Variants in PPP3R1 observed in about 807,000 individuals in gnomAD.
PPP3R1 encodes the protein protein phosphatase 3 regulatory subunit B, alpha, also known as calcineurin subunit B type 1.
A neutral mutation model predicts 22.6 loss-of-function variants in PPP3R1; 5 were observed. The ratio of observed to expected loss-of-function variants is 0.22; its 90% CI spans 0.12 to 0.46. PPP3R1 has a LOEUF of 0.46. Among genes scored for constraint, PPP3R1 ranks in the 20% least tolerant of loss-of-function variants. The pLI is 0.99. For missense variants in PPP3R1, 61 were observed against 203.2 expected, an observed-to-expected ratio of 0.30 and a Z score of 4.25; for synonymous variants, 56 against 65.2, an observed-to-expected ratio of 0.86 and a Z score of 0.68.
intron 2 of PPP3R1, among the ~76,000 whole-genome samples, chr2:68,202,180 G>GA (rs1179475603): frequency 1.3e-5 from 2 of 152,104 alleles, no homozygotes; most frequent in Non-Finnish European, 2.9e-5. Context: ...AACATTCTGA[G>GA]AAAGATTCAA....
chr2:68,191,365 T>A (rs1158279414), intron 2 of PPP3R1, among the ~76,000 whole-genome samples: 1 of 152,172 alleles, frequency 6.6e-6, no homozygotes, highest in African/African-American at 2.4e-5. Context: ...TATCTGTGTA[T>A]CTGAACATAT....
chr2:68,212,282 T>C (rs1228040784), intron 2 of PPP3R1, among the ~76,000 whole-genome samples: 5 of 152,166 alleles, frequency 3.3e-5, no homozygotes, highest in Non-Finnish European at 7.3e-5. Context: ...GGTTTCACTA[T>C]GTTGGCCAGG....
chr2:68,199,634 T>C (rs1164610024), intron 2 of PPP3R1, among the ~76,000 whole-genome samples: 1 of 152,192 alleles, frequency 6.6e-6, no homozygotes, highest in Non-Finnish European at 1.5e-5. Flanking sequence ...CTGAGGAAGT[T>C]CCCTTCTATT....
At chr2:68,218,427 TTAATA>T (rs1669619273) in intron 1 of PPP3R1, among the ~76,000 whole-genome samples, 1 of 152,142 alleles carries the variant, frequency 6.6e-6, no homozygotes, top group Non-Finnish European at 1.5e-5. Flanking sequence ...ACTGGTTAAT[TTAATA>T]TTAGGTCACT....
chr2:68,186,391 G>T, intron 5 of PPP3R1, 77 bp downstream of exon 5: 1 of 1,374,226 alleles, frequency 7.3e-7, no homozygotes, highest in Non-Finnish European at 9.8e-7. Context: ...ACAAAATATG[G>T]AAATTCTCTA....
chr2:68,187,570 C>T (rs952329348), intron 3 of PPP3R1, among the ~76,000 whole-genome samples: 4 of 152,060 alleles, frequency 2.6e-5, no homozygotes, highest in African/African-American at 9.7e-5. Context: ...TAAAAGAACA[C>T]TCAAAACATA....
intron 2 of PPP3R1, among the ~76,000 whole-genome samples, chr2:68,203,555 C>T (rs370976285): frequency 2.6e-5 from 4 of 151,360 alleles, no homozygotes; most frequent in Non-Finnish European, 5.9e-5. Flanking sequence ...GTGCCGAGAT[C>T]GCGCCATTGC....
chr2:68,208,907 A>C (rs1176424459), intron 2 of PPP3R1, among the ~76,000 whole-genome samples: 2 of 147,690 alleles, frequency 1.4e-5, no homozygotes, highest in East Asian at 2.0e-4. Context: ...TGGGTGACAA[A>C]GCAAGACTCT....
intron 2 of PPP3R1, among the ~76,000 whole-genome samples, chr2:68,199,358 T>C (rs1383821854): frequency 6.6e-6 from 1 of 152,212 alleles, no homozygotes; most frequent in Non-Finnish European, 1.5e-5. Context: ...TTCACATCAG[T>C]CCTAGTAACT....
At chr2:68,225,143 T>C (rs1572969842) in intron 1 of PPP3R1, among the ~76,000 whole-genome samples, 1 of 152,224 alleles carries the variant, frequency 6.6e-6, no homozygotes, top group African/African-American at 2.4e-5. Context: ...ATACTTTTTC[T>C]CCCAATTACT....
intron 2 of PPP3R1, among the ~76,000 whole-genome samples, chr2:68,194,860 AT>A (rs1374555552): frequency 6.6e-6 from 1 of 152,286 alleles, no homozygotes; most frequent in South Asian, 2.1e-4. Context: ...TCATCAGGAA[AT>A]TCTTTTAATA....
chr2:68,202,573 C>T lies in PPP3R1; in HGVS notation c.44-13883G>A, dbSNP rs182322141. On this transcript the variant is annotated intron_variant, in intron 2 of 5. Transcript: ENST00000234310. ...CCAAGTAGCTGGGATTACGGGCACC[C>T]ACAACCATGCCCGGCTAATTTTTCT... is the stretch of plus-strand genomic sequence containing the variant. Among the ~76,000 whole-genome samples, 295 of 151,968 alleles carry T rather than the reference C, an allele frequency of 1.9e-3. 1 individual carries two copies. Among genetic ancestry groups the T allele is most frequent in the Admixed American group, 3.7e-3 (57 of 15,260 alleles).
chr2:68,232,810 T>A (rs1300383233), intron 1 of PPP3R1, among the ~76,000 whole-genome samples: 1 of 152,152 alleles, frequency 6.6e-6, no homozygotes, highest in South Asian at 2.1e-4. Context: ...TTTTGCCATA[T>A]TGGCCAGGCT....
chr2:68,251,991 G>A, intron 1 of PPP3R1, 134 bp downstream of exon 1: 6 of 943,486 alleles, frequency 6.4e-6, no homozygotes, highest in Non-Finnish European at 8.0e-6. Flanking sequence ...ACCGCCGCGG[G>A]ACCCGCCGGG....
intron 2 of PPP3R1, among the ~76,000 whole-genome samples, chr2:68,198,463 G>A (rs115757649): frequency 2.0e-4 from 28 of 141,868 alleles, no homozygotes; most frequent in African/African-American, 7.3e-4. Context: ...ACATATATAC[G>A]TATATATGCG....
At chr2:68,235,356 C>T (rs1669998646) in intron 1 of PPP3R1, among the ~76,000 whole-genome samples, 1 of 152,162 alleles carries the variant, frequency 6.6e-6, no homozygotes, top group Non-Finnish European at 1.5e-5. Flanking sequence ...TATCTACTGG[C>T]AGTCATTCCC....
chr2:68,192,845 A>G (rs1484962540), intron 2 of PPP3R1, among the ~76,000 whole-genome samples: 1 of 151,904 alleles, frequency 6.6e-6, no homozygotes, highest in Non-Finnish European at 1.5e-5. Context: ...CTCTTTCCCC[A>G]TTTCCTTTTC....
At chr2:68,249,769 T>C (rs1670306611) in intron 1 of PPP3R1, among the ~76,000 whole-genome samples, 1 of 152,050 alleles carries the variant, frequency 6.6e-6, no homozygotes, top group South Asian at 2.1e-4. Context: ...CCAACTAAAA[T>C]TAATACCTGT....
chr2:68,181,217 T>C (rs888753525), intron 5 of PPP3R1, among the ~76,000 whole-genome samples: 5 of 151,940 alleles, frequency 3.3e-5, no homozygotes, highest in East Asian at 1.9e-4. Flanking sequence ...CGGTGAAACC[T>C]TGTCTCTACT....
Sources: allele counts gnomAD v4.1 joint callset (sites outside exome capture counted in the v4.1 genomes callset), GRCh38; gene constraint gnomAD v4.1.1; transcripts MANE v1.5; gene names NCBI Gene and HGNC (gene_info 2026-07-23, HGNC 2026-07-21).